The following MTMR9 variants were observed in gnomAD, a reference collection of about 807,000 sequenced individuals.
The protein encoded by MTMR9 is myotubularin related protein 9, also known as myotubularin-related protein 9.
A neutral mutation model predicts 69.5 loss-of-function variants in MTMR9; 39 were observed. The observed-to-expected ratio is 0.56, with a 90% confidence interval of 0.43 to 0.73. The LOEUF (loss-of-function observed/expected upper bound fraction) is 0.73, where lower values mean the gene tolerates loss of function less well. Among genes scored for constraint, MTMR9 ranks in the 30% least tolerant of loss-of-function variants. The pLI, the probability that MTMR9 is intolerant of heterozygous loss-of-function variation, is 0.00. For synonymous variants in MTMR9, 354 were observed against 240.8 expected (o/e 1.47, Z -4.35); for missense variants, 900 against 671.2 (o/e 1.34, Z -3.77).
At chr8:11,319,447 TA>T in intron 8 of MTMR9, 1 of 488,730 alleles carries the variant, frequency 2.0e-6, no homozygotes, top group Non-Finnish European at 3.6e-6. Flanking sequence ...ATTCTGTTTT[TA>T]TCCTCCTGCC....
rs547174590 is a variant in MTMR9, at chr8:11,315,011, A to G, written c.1060A>G (p.Arg354Gly). The change falls in exon 7 of 10, where the codon AGA becomes GGA. Residue 354 changes from arginine to glycine, a missense_variant. Arg to Gly is a moderately radical substitution (Grantham distance 125). Transcript: ENST00000221086. ...TSLAQIILEP[R>G]SRTIRGFEAL... Reference sequence around the variant, plus strand: ...CTTGGCCCAGATCATCTTAGAGCCAAGAAGCAGGACCATTCGTGGTTTTGA... The same window carrying G: ...CTTGGCCCAGATCATCTTAGAGCCAGGAAGCAGGACCATTCGTGGTTTTGA... 5 of 1,614,050 alleles carry G rather than the reference A, an allele frequency of 3.1e-6. No individual in the cohort carries two copies. In the South Asian group the frequency reaches 5.5e-5, roughly 18 times the overall value.
At chr8:11,297,377 T>C (rs1326281182) in intron 2 of MTMR9, among the ~76,000 whole-genome samples, 2 of 152,260 alleles carry the variant, frequency 1.3e-5, no homozygotes, top group Non-Finnish European at 2.9e-5. Flanking sequence ...TTGGAAGTAA[T>C]GCATGATGTT....
At chr8:11,297,909 T>G (rs1792276203) in intron 2 of MTMR9, 2 of 456,176 alleles carry the variant, frequency 4.4e-6, no homozygotes, top group South Asian at 3.1e-5. Context: ...GAATCCCTCC[T>G]GCTAGCCCTC....
chr8:11,314,959 A>G lies in MTMR9; in HGVS notation c.1008A>G (p.Gly336=). The G allele has an allele frequency of 1.2e-6, 2 of 1,613,986 alleles. No homozygotes were observed. The highest frequency in any genetic ancestry group is 1.7e-6 in the Non-Finnish European group (2 of 1,179,884). The change falls in exon 7 of 10, where the codon GGA becomes GGG. Residue 336 remains glycine, a synonymous_variant. Coordinates refer to ENST00000221086, the MANE Select transcript of MTMR9 (RefSeq NM_015458.4). The part of the protein sequence containing the change: ...GASILIHGTE[G]TDSTLQVTSL... ...CAATATTGATTCACGGAACAGAAGG[A>G]ACTGATTCCACACTCCAGGTGACCT...
intron 8 of MTMR9, 88 bp from the exon 9 acceptor site, chr8:11,319,599 C>T: frequency 1.5e-6 from 2 of 1,338,644 alleles, no homozygotes; most frequent in Non-Finnish European, 1.1e-6. Flanking sequence ...TTCTTTCATA[C>T]TGAGAAGAAA....
intron 6 of MTMR9, among the ~76,000 whole-genome samples, chr8:11,310,134 TATTTC>T (rs1323561328): frequency 2.6e-5 from 4 of 152,234 alleles, no homozygotes; most frequent in Non-Finnish European, 5.9e-5. Context: ...CGGGATATCT[TATTTC>T]ATACTACTTG....
chr8:11,332,399 C>A (rs112683020), downstream of MTMR9, among the ~76,000 whole-genome samples: 1,273 of 151,716 alleles, frequency 8.4e-3, 18 homozygotes, highest in African/African-American at 0.029. Flanking sequence ...TAGACAAAGA[C>A]TAAACAATTG....
At chr8:11,290,316 CCTT>C (rs1385930668) in intron 1 of MTMR9, among the ~76,000 whole-genome samples, 1 of 150,884 alleles carries the variant, frequency 6.6e-6, no homozygotes, top group Non-Finnish European at 1.5e-5. Context: ...GGTTTATTGT[CCTT>C]CTCATGTTGA....
the MTMR9 span, among the ~76,000 whole-genome samples, chr8:11,338,991 C>T: frequency 6.6e-6 from 1 of 152,178 alleles, no homozygotes; most frequent in African/African-American, 2.4e-5. Flanking sequence ...GCCACCATGA[C>T]TGCTTTTAGA....
the MTMR9 span, among the ~76,000 whole-genome samples, chr8:11,336,682 A>G: frequency 6.6e-6 from 1 of 152,208 alleles, no homozygotes; most frequent in African/African-American, 2.4e-5. Context: ...TCTGCTCGAC[A>G]GGTCCAATAT....
chr8:11,329,394 G>T (rs1446041503), downstream of MTMR9, among the ~76,000 whole-genome samples: 3 of 152,152 alleles, frequency 2.0e-5, no homozygotes, highest in African/African-American at 7.2e-5. Flanking sequence ...CTGCCATCTC[G>T]GCTCACTGCA....
At chr8:11,302,631 G>A (rs868267330) in intron 3 of MTMR9, among the ~76,000 whole-genome samples, 1 of 152,200 alleles carries the variant, frequency 6.6e-6, no homozygotes, top group Middle Eastern at 3.4e-3. Context: ...CATAAAAAAA[G>A]CAAATCTTGT....
chr8:11,299,995 T>G (rs1396922917), intron 2 of MTMR9, 28 bp from the exon 3 acceptor site: 1 of 1,599,506 alleles, frequency 6.3e-7, no homozygotes, highest in East Asian at 2.2e-5. Flanking sequence ...ATGTTTCTTT[T>G]TTGTCTTTCT....
chr8:11,311,040 T>C (rs1469049402), intron 6 of MTMR9, among the ~76,000 whole-genome samples: 1 of 152,112 alleles, frequency 6.6e-6, no homozygotes, highest in Non-Finnish European at 1.5e-5. Flanking sequence ...TCCATACAAA[T>C]TTGCCCTTAT....
intron 5 of MTMR9, 25 bp downstream of exon 5, chr8:11,306,432 G>T (rs751100900): frequency 6.2e-7 from 1 of 1,601,952 alleles, no homozygotes; most frequent in Non-Finnish European, 8.5e-7. Flanking sequence ...AGATAGTACA[G>T]ACTCTTATTA....
intron 1 of MTMR9, among the ~76,000 whole-genome samples, chr8:11,288,600 G>C (rs1799275393): frequency 6.6e-6 from 1 of 152,108 alleles, no homozygotes; most frequent in South Asian, 2.1e-4. Flanking sequence ...GGCATGTGCA[G>C]AGAAGAGCGA....
intron 3 of MTMR9, among the ~76,000 whole-genome samples, chr8:11,302,646 TTCTC>T (rs939168469): frequency 2.5e-4 from 38 of 152,292 alleles, no homozygotes; most frequent in African/African-American, 8.9e-4. Context: ...TCTTGTATCA[TTCTC>T]TCTAAGTTCA....
At chr8:11,299,928 A>G (rs776738974) in intron 2 of MTMR9, 95 bp from the exon 3 acceptor site, 493 of 1,416,242 alleles carry the variant, frequency 3.5e-4, no homozygotes, top group Non-Finnish European at 4.4e-4. Flanking sequence ...GCCCATCATT[A>G]TTAGACCATG....
downstream of MTMR9, among the ~76,000 whole-genome samples, chr8:11,329,477 C>G (rs1801106544): frequency 6.6e-6 from 1 of 152,234 alleles, no homozygotes; most frequent in African/African-American, 2.4e-5. Context: ...CCACGCCTGA[C>G]TGGTTTTCGT....
Sources: gnomAD v4.1 joint callset for allele counts (sites outside exome capture counted in the v4.1 genomes callset) on GRCh38, gnomAD v4.1.1 for gene constraint, MANE v1.5 for transcripts, NCBI Gene and HGNC (gene_info 2026-07-23, HGNC 2026-07-21) for gene names.